Variants in CDC42SE2 observed in about 807,000 individuals in gnomAD.
The protein encoded by CDC42SE2 is CDC42 small effector 2.
In CDC42SE2, 3 loss-of-function variants were observed where a neutral mutation model predicts 11.5. The ratio of observed to expected loss-of-function variants is 0.26; its 90% CI spans 0.12 to 0.67. The LOEUF is 0.67. Ranked by LOEUF, CDC42SE2 falls within the 30% of genes least tolerant of loss-of-function variation. CDC42SE2 has a pLI of 0.80. For missense variants in CDC42SE2, 82 were observed against 106.8 expected (o/e 0.77, Z 1.02); for synonymous variants, 33 against 34.8 (o/e 0.95, Z 0.18).
chr5:131,223,843 C>T, the CDC42SE2 span, among the ~76,000 whole-genome samples: 1 of 152,132 alleles, frequency 6.6e-6, no homozygotes, highest in South Asian at 2.1e-4. Flanking sequence ...TTGAACTGGC[C>T]CCAATAAGGC....
chr5:131,385,584 C>T lies in CDC42SE2; in HGVS notation c.96C>T (p.Pro32=). 6.2e-7 allele frequency: 1 copy of T among 1,613,776 alleles called. No homozygotes were observed. The highest frequency in any genetic ancestry group is 8.5e-7 in the Non-Finnish European group (1 of 1,179,810). ...RRIDRSMIGE[P]TNFVHTAHVG... ...TTGACAGAAGTATGATTGGAGAGCC[C>T]ACAAACTTTGTGCATACAGCTCATG... Residue 32 remains proline, a synonymous_variant, in exon 4 of 5, where the codon CCC becomes CCT. Coordinates refer to ENST00000505065, the MANE Select transcript of CDC42SE2 (RefSeq NM_001375635.1).
chr5:131,380,992 T>TTAA (rs1167865028), intron 3 of CDC42SE2, among the ~76,000 whole-genome samples: 1 of 152,224 alleles, frequency 6.6e-6, no homozygotes, highest in African/African-American at 2.4e-5. Flanking sequence ...GTATTTGTCT[T>TTAA]TAATTGACCT....
At chr5:131,292,383 C>T (rs1180983593) in intron 1 of CDC42SE2, among the ~76,000 whole-genome samples, 3 of 143,292 alleles carry the variant, frequency 2.1e-5, no homozygotes, top group Non-Finnish European at 4.5e-5. Flanking sequence ...GCCTGGCCAA[C>T]ATGGTGAAAA....
intron 2 of CDC42SE2, among the ~76,000 whole-genome samples, chr5:131,257,903 G>T (rs1756691124): frequency 6.6e-6 from 1 of 152,174 alleles, no homozygotes; most frequent in Admixed American, 6.5e-5. Flanking sequence ...GGTGCTTGCT[G>T]AATGGCTTCC....
chr5:131,329,302 G>A (rs1758362026), intron 2 of CDC42SE2, among the ~76,000 whole-genome samples: 1 of 149,388 alleles, frequency 6.7e-6, no homozygotes, highest in South Asian at 2.1e-4. Context: ...GAAAAGTTAA[G>A]TACAGCTTTT....
intron 3 of CDC42SE2, among the ~76,000 whole-genome samples, chr5:131,362,220 A>G (rs989203363): frequency 2.0e-4 from 30 of 152,074 alleles, no homozygotes; most frequent in African/African-American, 7.2e-4. Flanking sequence ...ACATTTACAT[A>G]TGTTAGTTGT....
At chr5:131,261,290 A>G (rs1756723321), upstream of CDC42SE2, 2 of 152,194 alleles carry the variant, frequency 1.3e-5, no homozygotes. Context: ...CTTGGTAACA[A>G]TTTTAAGGAC....
At chr5:131,292,922 A>AC (rs1757491474) in intron 1 of CDC42SE2, among the ~76,000 whole-genome samples, 16 of 119,548 alleles carry the variant, frequency 1.3e-4, no homozygotes, top group African/African-American at 6.1e-4. Flanking sequence ...AAAAAAAAAA[A>AC]AAAAAAAAAA....
chr5:131,330,851 CAAAAAAA>C (rs912955913), intron 2 of CDC42SE2, among the ~76,000 whole-genome samples: 28 of 58,144 alleles, frequency 4.8e-4, no homozygotes, highest in South Asian at 1.1e-3. Context: ...CCTGCCTTTA[CAAAAAAA>C]AAAAAAAAAA....
rs186815643 is a variant in CDC42SE2, at chr5:131,390,988, T to G, written c.157-5T>G. 9 of 1,603,848 alleles carry G rather than the reference T, an allele frequency of 5.6e-6. No homozygotes were observed. In the Admixed American group the frequency reaches 1.0e-4, roughly 18 times the overall value. Reference sequence around the variant, plus strand: ...TTGTTTTGTTGTATTTTTGTCTTGTTTTAGGTTAGCTCCATTCAGAACCAA... The same window carrying G: ...TTGTTTTGTTGTATTTTTGTCTTGTGTTAGGTTAGCTCCATTCAGAACCAA... On this transcript the variant is annotated splice_polypyrimidine_tract_variant and splice_region_variant and intron_variant, in intron 4 of 4. Coordinates refer to ENST00000505065, the MANE Select transcript of CDC42SE2 (RefSeq NM_001375635.1).
At chr5:131,242,990 G>A (rs189908788), upstream of CDC42SE2, among the ~76,000 whole-genome samples, 3 of 152,250 alleles carry the variant, frequency 2.0e-5, no homozygotes, top group Admixed American at 6.5e-5. Context: ...ACTAGTAAAG[G>A]ATCCCAGAAC....
At chr5:131,227,753 A>C in the CDC42SE2 span, among the ~76,000 whole-genome samples, 2 of 151,658 alleles carry the variant, frequency 1.3e-5, no homozygotes, top group Admixed American at 1.3e-4. Flanking sequence ...AAGTTTAAAA[A>C]AGGAAATTTG....
intron 1 of CDC42SE2, among the ~76,000 whole-genome samples, chr5:131,297,997 C>A (rs1757606709): frequency 6.6e-6 from 1 of 152,012 alleles, no homozygotes; most frequent in Admixed American, 6.5e-5. Context: ...AGTAGTTTCA[C>A]TGAGTTATTT....
At chr5:131,253,635 C>A (rs1186856361) in intron 1 of CDC42SE2, among the ~76,000 whole-genome samples, 1 of 152,088 alleles carries the variant, frequency 6.6e-6, no homozygotes, top group African/African-American at 2.4e-5. Flanking sequence ...CATGGTGGCA[C>A]ATGCCTGTAA....
chr5:131,257,856 T>C (rs1756690898), intron 2 of CDC42SE2, among the ~76,000 whole-genome samples: 1 of 152,194 alleles, frequency 6.6e-6, no homozygotes, highest in South Asian at 2.1e-4. Flanking sequence ...CTCCTCTTCC[T>C]GGATTCCTGG....
intron 1 of CDC42SE2, among the ~76,000 whole-genome samples, chr5:131,284,933 T>C (rs981438984): frequency 2.6e-5 from 4 of 151,978 alleles, no homozygotes; most frequent in African/African-American, 9.7e-5. Context: ...GGTGAGAGGA[T>C]TGCTTGAGCC....
At chr5:131,261,580 CCGT>C (rs1380404402), upstream of CDC42SE2, 1 of 152,156 alleles carries the variant, frequency 6.6e-6, no homozygotes, top group Non-Finnish European at 1.5e-5. Context: ...AGACCAGACA[CCGT>C]GGCTTACACC....
intron 2 of CDC42SE2, among the ~76,000 whole-genome samples, chr5:131,317,405 G>A (rs1334789859): frequency 3.3e-5 from 5 of 152,138 alleles, no homozygotes; most frequent in African/African-American, 4.8e-5. Context: ...AATGAGGGAC[G>A]TCAATAGTAA....
upstream of CDC42SE2, among the ~76,000 whole-genome samples, chr5:131,242,060 G>A (rs373292023): frequency 9.2e-5 from 14 of 152,232 alleles, no homozygotes; most frequent in East Asian, 5.8e-4. Flanking sequence ...CCTAATGAAA[G>A]CCTGGTATCT....
Sources: allele counts gnomAD v4.1 joint callset (sites outside exome capture counted in the v4.1 genomes callset), GRCh38; gene constraint gnomAD v4.1.1; transcripts MANE v1.5; gene names NCBI Gene and HGNC (gene_info 2026-07-23, HGNC 2026-07-21).